The following LZTR1 variants were observed in gnomAD, a reference collection of about 807,000 sequenced individuals.
LZTR1 encodes the protein leucine zipper like post translational regulator 1.
Under a neutral mutation model 105.7 loss-of-function variants are expected in LZTR1, and 260 were observed. The ratio of observed to expected loss-of-function variants is 2.46; its 90% CI spans 2.22 to 2.72. The LOEUF is 2.72. Among genes scored for constraint, LZTR1 ranks in the 30% most tolerant of loss-of-function variants. The pLI, the probability that LZTR1 is intolerant of heterozygous loss-of-function variation, is 0.00. For missense variants in LZTR1, 1,214 were observed against 1,166.9 expected (o/e 1.04, Z -0.59); for synonymous variants, 490 against 476.4 (o/e 1.03, Z -0.37).
intron 9 of LZTR1, 91 bp from the exon 10 acceptor site, chr22:20,992,123 A>T: frequency 7.7e-7 from 1 of 1,303,694 alleles, no homozygotes; most frequent in Non-Finnish European, 1.1e-6. Flanking sequence ...TTCTTTCAGA[A>T]CCCACTCTCA....
At chr22:20,992,441 A>C (rs1924641371) in intron 10 of LZTR1, 72 bp downstream of exon 10, 3 of 1,453,998 alleles carry the variant, frequency 2.1e-6, no homozygotes, top group African/African-American at 1.4e-5. Flanking sequence ...CCTCTCACAC[A>C]TGGGGAGACT....
Position 20,992,271 on chromosome 22 carries a change from A to G in LZTR1, c.1051A>G (p.Thr351Ala), listed in dbSNP as rs936980006. ...ACASEEVPTLTYEERVGFKKS... is the reference protein window; with the variant it reads ...ACASEEVPTLAYEERVGFKKS... ...TGCTTCCGAGGAGGTGCCCACCCTG[A>G]CCTATGAGGAGCGGGTTGGCTTCAA... Residue 351 changes from threonine (T) to alanine (A), a missense_variant, in exon 10 of 21, where the codon ACC becomes GCC. By Grantham distance (58) the Thr-to-Ala change is moderately conservative. Coordinates refer to ENST00000646124, the MANE Select transcript of LZTR1 (RefSeq NM_006767.4). 3.3e-5 allele frequency: 54 copies of G among 1,613,714 alleles called. No homozygotes were observed. The highest frequency in any genetic ancestry group is 4.5e-5 in the Non-Finnish European group (53 of 1,179,940).
Position 20,982,508 on chromosome 22 carries a change from G to C in LZTR1, c.137G>C (p.Gly46Ala). 6.2e-7 allele frequency: 1 copy of C among 1,613,112 alleles called. No individual in the cohort carries two copies. The highest frequency in any genetic ancestry group is 8.5e-7 in the Non-Finnish European group (1 of 1,179,742). ...DSVEYLTLNF[G>A]PFETVHRWRR... ...GTCGAGTACCTGACGCTCAACTTCG[G>C]GCCCTTCGAAACAGTGCATCGCTGG... The change falls in exon 1 of 21, where the codon GGG becomes GCG. Residue 46 changes from glycine to alanine, a missense_variant. Coordinates refer to ENST00000646124, the MANE Select transcript of LZTR1 (RefSeq NM_006767.4).
chr22:20,995,560 G>T, intron 16 of LZTR1, 186 bp from the exon 17 acceptor site: 1 of 761,076 alleles, frequency 1.3e-6, no homozygotes, highest in Non-Finnish European at 2.3e-6. Context: ...CATAGTGCTT[G>T]AGTCGGCCAG....
At chr22:20,993,852 T>G (rs756668257) in intron 12 of LZTR1, 72 bp from the exon 13 acceptor site, 2 of 1,571,966 alleles carry the variant, frequency 1.3e-6, no homozygotes, top group Non-Finnish European at 1.7e-6. Flanking sequence ...GGTGCTGACC[T>G]TGGCTGGCTG....
In LZTR1 at chr22:20,994,244, C is replaced by T. The variant is rs760341864; in HGVS notation, c.1590C>T (p.Thr530=). The part of the protein sequence containing the change: ...PFEVLMQFLY[T]DKIKYPRKGH... ...AGGTGCTCATGCAGTTCCTCTACAC[C>T]GACAAGATCAAATACCCACGGAAAG... Residue 530 remains threonine (T), a synonymous_variant, in exon 14 of 21, where the codon ACC becomes ACT. Transcript: ENST00000646124. 1.4e-5 allele frequency: 22 copies of T among 1,599,138 alleles called. No homozygotes were observed. Among genetic ancestry groups the T allele is most frequent in the Middle Eastern group, 1.6e-4 (1 of 6,080 alleles).
rs753757778 is a variant in LZTR1, at chr22:20,993,964, C to A, written c.1394C>A (p.Ala465Glu). ...CVQGHVAIVT[A>E]RSRWLRRKIT... ...CAGGGCCACGTAGCCATTGTCACAG[C>A]GCGGAGCCGCTGGCTTCGCAGGAAG... Residue 465 changes from alanine (A) to glutamate (E), a missense_variant, in exon 13 of 21, where the codon GCG becomes GAG. Transcript: ENST00000646124. The A allele has an allele frequency of 1.2e-6, 2 of 1,612,648 alleles. No homozygotes were observed. Among genetic ancestry groups the A allele is most frequent in the Non-Finnish European group, 8.5e-7 (1 of 1,179,868 alleles).
intron 9 of LZTR1, 63 bp from the exon 10 acceptor site, chr22:20,992,151 G>T: frequency 6.6e-7 from 1 of 1,509,396 alleles, no homozygotes. Flanking sequence ...GATGGTGGGG[G>T]TCTCTGGGCA....
intron 16 of LZTR1, 176 bp from the exon 17 acceptor site, chr22:20,995,570 G>A (rs1293042568): frequency 2.5e-6 from 2 of 794,936 alleles, no homozygotes; most frequent in African/African-American, 3.4e-5. Flanking sequence ...GAGTCGGCCA[G>A]GGCGCCGAGG....
chr22:20,985,976 G>A, intron 3 of LZTR1, 79 bp downstream of exon 3: 2 of 1,431,884 alleles, frequency 1.4e-6, no homozygotes, highest in Non-Finnish European at 2.0e-6. Context: ...GTTGCTAGCA[G>A]AGTCTCTCTC....
intron 2 of LZTR1, among the ~76,000 whole-genome samples, chr22:20,985,059 ATTT>A (rs34655832): frequency 1.7e-5 from 2 of 120,326 alleles, no homozygotes; most frequent in Admixed American, 8.8e-5. Context: ...CTTCGTTTCT[ATTT>A]TTTTTTTTTT....
At position 20,992,656 on chromosome 22, in the gene LZTR1, G is replaced by A. The variant is rs549897117; in HGVS notation, c.1150-138G>A. On this transcript the variant is annotated intron_variant, in intron 10 of 20. Transcript: ENST00000646124. ...GGTCCCACCTGTGTCTGTACCCAGG[G>A]GCCCTCATCCCTTGGGGACCCTGCC... The A allele has an allele frequency of 1.4e-5, 9 of 650,966 alleles. No homozygotes were observed. The African/African-American group carries it at 1.5e-4, about 11-fold the overall frequency. The allele number at this position is 650,966 out of a possible 1,614,324, so 40.3% of individuals were successfully genotyped here.
chr22:20,985,751 A>T, intron 2 of LZTR1, 90 bp from the exon 3 acceptor site: 1 of 1,245,684 alleles, frequency 8.0e-7, no homozygotes, highest in Non-Finnish European at 1.2e-6. Flanking sequence ...ACAGCCCCCT[A>T]CTCTACCCTG....
Position 20,990,495 on chromosome 22 carries a change from A to C in LZTR1, c.761A>C (p.Asn254Thr). 1 of 1,613,140 alleles carries C rather than the reference A, an allele frequency of 6.2e-7. No individual in the cohort carries two copies. The highest frequency in any genetic ancestry group is 1.1e-5 in the South Asian group (1 of 91,028). ...CAAAGCGGAGCCAAAATAACCAACA[A>C]CCTCTTCCAGTTTGAATTCAAGGAC... ...SGQSGAKITN[N>T]LFQFEFKDKT... Residue 254 changes from asparagine (N) to threonine (T), a missense_variant, in exon 8 of 21, where the codon AAC (asparagine) becomes ACC (threonine). Transcript: ENST00000646124.
In LZTR1 at chr22:20,988,183, GC is replaced by G. The variant is rs2147962158; in HGVS notation, c.509+70del. The G allele has an allele frequency of 6.0e-6, 6 of 998,490 alleles. No individual in the cohort carries two copies. In the South Asian group the frequency reaches 8.1e-5, roughly 13 times the overall value. The allele number at this position is 998,490 out of a possible 1,614,324, so 61.9% of individuals were successfully genotyped here. A position where few individuals can be genotyped will look rare whatever the true frequency, so the allele number is the denominator to read the frequency against. On this transcript the variant is annotated intron_variant, in intron 5 of 20. Transcript: ENST00000646124. ...CTGGGTGGCATTGGACCTGGGATCT[GC>G]CCCCTTTTGCCTCCCAGATGAGGAC...
In LZTR1 at chr22:20,991,644, A is replaced by G; in HGVS notation, c.808A>G (p.Thr270Ala). 6.3e-7 allele frequency: 1 copy of G among 1,598,378 alleles called. No homozygotes were observed. Reference sequence around the variant, plus strand: ...TACCCCCAGGTGGACACGCATCCCAACTGAACACCTGCTCCGGGGCTCCCC... The same window carrying G: ...TACCCCCAGGTGGACACGCATCCCAGCTGAACACCTGCTCCGGGGCTCCCC... ...FKDKTWTRIP[T>A]EHLLRGSPPP... Residue 270 changes from threonine (T) to alanine (A), a missense_variant, in exon 9 of 21, where the codon ACT becomes GCT. By Grantham distance (58) the Thr-to-Ala change is moderately conservative (BLOSUM62 0). Transcript: ENST00000646124.
rs746901046 is a variant in LZTR1, at chr22:20,995,777, CCT to C, written c.1975_1976del (p.Leu659GlyfsTer9). On this transcript the variant is annotated frameshift_variant, in exon 17 of 21. Coordinates refer to ENST00000646124, the MANE Select transcript of LZTR1 (RefSeq NM_006767.4). LOFTEE classifies it high-confidence loss of function. ...CTCTGATCCAGGACATGAAGGCATA[CCT>C]GGAGGGAGCGGGCGCGGAATTCTGT... ...TSLIQDMKAYLEGAGAEFCDI... is the reference protein window; with the variant it reads ...TSLIQDMKAYXEGAGAEFCDI... 1 of 1,613,690 alleles carries C rather than the reference CCT, an allele frequency of 6.2e-7. No homozygotes were observed. The highest frequency in any genetic ancestry group is 1.1e-5 in the South Asian group (1 of 91,084).
At position 20,992,843 on chromosome 22, in the gene LZTR1, T is replaced by A; in HGVS notation, c.1199T>A (p.Met400Lys). The A allele has an allele frequency of 1.2e-6, 2 of 1,610,234 alleles. No homozygotes were observed. The highest frequency in any genetic ancestry group is 1.7e-6 in the Non-Finnish European group (2 of 1,178,454). The change falls in exon 11 of 21, where the codon ATG (methionine) becomes AAG (lysine). Residue 400 changes from methionine to lysine, a missense_variant. Transcript: ENST00000646124. ...FHAAAVISDA[M>K]YIFGGTVDNN... The stretch of plus-strand genomic sequence containing the variant: ...GCGGCTGCTGTCATCTCGGACGCCA[T>A]GTACATCTTCGGGGGCACGGTGGAC...
chr22:20,992,601 G>C (rs972037080), intron 10 of LZTR1, 193 bp from the exon 11 acceptor site: 32 of 631,732 alleles, frequency 5.1e-5, no homozygotes, highest in Non-Finnish European at 2.7e-6. Flanking sequence ...TCCATGGCCC[G>C]TCATGCCCCA....
Sources: allele counts gnomAD v4.1 joint callset (sites outside exome capture counted in the v4.1 genomes callset), GRCh38; gene constraint gnomAD v4.1.1; transcripts MANE v1.5; gene names NCBI Gene and HGNC (gene_info 2026-07-23, HGNC 2026-07-21).